The following SORBS2 variants were observed in gnomAD, a reference collection of about 807,000 sequenced individuals.
SORBS2 encodes the protein sorbin and SH3 domain containing 2.
SORBS2 carries 46 observed loss-of-function variants against 97.7 expected under a neutral mutation model. The ratio of observed to expected loss-of-function variants is 0.47; its 90% confidence interval spans 0.37 to 0.60. The LOEUF is 0.60. Ranked by LOEUF, SORBS2 falls within the 20% of genes least tolerant of loss-of-function variation. The pLI is 0.00. For missense variants in SORBS2, 1,316 were observed against 1,282.3 expected, an observed-to-expected ratio of 1.03 and a Z score of -0.40; for synonymous variants, 476 against 473.4, an observed-to-expected ratio of 1.01 and a Z score of -0.07.
intron 2 of SORBS2, among the ~76,000 whole-genome samples, chr4:185,768,110 G>C (rs946306880): frequency 1.3e-5 from 2 of 152,092 alleles, no homozygotes; most frequent in Non-Finnish European, 1.5e-5. Flanking sequence ...AGAGTTCTGG[G>C]GGACTTCACA....
chr4:185,783,920 T>C (rs1472299425), intron 1 of SORBS2, among the ~76,000 whole-genome samples: 3 of 152,204 alleles, frequency 2.0e-5, no homozygotes, highest in Non-Finnish European at 4.4e-5. Flanking sequence ...ATAAGTCAAG[T>C]AGGTAAGAGG....
At chr4:185,652,294 G>A (rs1050761506) in intron 2 of SORBS2, among the ~76,000 whole-genome samples, 1 of 152,178 alleles carries the variant, frequency 6.6e-6, no homozygotes, top group Non-Finnish European at 1.5e-5. Context: ...CTACAGAGCA[G>A]GCTCAGGCAG....
At chr4:185,587,494 G>T in exon 15 of SORBS2, 1 of 716,182 alleles carries the variant, frequency 1.4e-6, no homozygotes, top group Non-Finnish European at 2.5e-6. Context: ...CTGGTGGTTT[G>T]GTGGCAGGTG....
intron 4 of SORBS2, among the ~76,000 whole-genome samples, chr4:185,641,289 GA>G (rs1026480234): frequency 1.1e-4 from 17 of 151,968 alleles, no homozygotes; most frequent in African/African-American, 3.9e-4. Flanking sequence ...AATTAGCAGA[GA>G]AAACACCCAA....
At position 185,673,015 on chromosome 4, in the gene SORBS2, A is replaced by G. The variant is rs189150930; in HGVS notation, c.-46+5408T>C. Among the ~76,000 whole-genome samples, 111 of 152,340 alleles carry G rather than the reference A, an allele frequency of 7.3e-4. No homozygotes were observed. In the East Asian group the frequency reaches 0.013, roughly 19 times the overall value. On this transcript the variant is annotated intron_variant, in intron 4 of 20. Coordinates refer to the SORBS2 transcript ENST00000284776. Reference sequence around the variant, plus strand: ...GATAAAGACAACGTGGTGTATACGCATACTAGGATACTATTCAGCCTTAAA... The same window carrying G: ...GATAAAGACAACGTGGTGTATACGCGTACTAGGATACTATTCAGCCTTAAA...
Position 185,925,329 on chromosome 4 carries a change from C to G in SORBS2, c.-338+30867G>C, listed in dbSNP as rs544721688. Among the ~76,000 whole-genome samples the G allele has an allele frequency of 2.0e-3, 304 of 152,184 alleles. 4 individuals are homozygous for G. The highest frequency in any genetic ancestry group is 9.7e-4 in the Non-Finnish European group (66 of 68,020). On this transcript the variant is annotated intron_variant, in intron 1 of 20. Coordinates refer to the SORBS2 transcript ENST00000284776. ...TAAACGCATTGTCTTAGAGTCCTAG[C>G]CCTAGAGGCAGAATAGGATGTGGTG...
intron 2 of SORBS2, among the ~76,000 whole-genome samples, chr4:185,710,446 G>C (rs2098408616): frequency 6.6e-6 from 1 of 152,226 alleles, no homozygotes; most frequent in East Asian, 1.9e-4. Context: ...CGAGGGAAAA[G>C]GGAATTGCTC....
At chr4:185,942,639 G>A (rs960182087) in intron 1 of SORBS2, among the ~76,000 whole-genome samples, 8 of 152,218 alleles carry the variant, frequency 5.3e-5, no homozygotes, top group Middle Eastern at 3.4e-3. Flanking sequence ...ATGAGCCACC[G>A]CGCATGGCCC....
intron 1 of SORBS2, chr4:185,956,178 A>G (rs887892797): frequency 2.6e-5 from 4 of 152,224 alleles, no homozygotes; most frequent in Admixed American, 6.5e-5. Context: ...TAGAAACTCA[A>G]TGAAAAGGAA....
chr4:185,819,001 A>G (rs918546564), intron 1 of SORBS2, among the ~76,000 whole-genome samples: 8 of 152,144 alleles, frequency 5.3e-5, no homozygotes, highest in East Asian at 1.9e-4. Flanking sequence ...ACTCTTTCCT[A>G]TATCTTTCCT....
intron 1 of SORBS2, among the ~76,000 whole-genome samples, chr4:185,923,472 A>ATTTTTTTTTTTTTTTTTTTTTTTTT (rs535695706): frequency 4.1e-4 from 45 of 110,470 alleles, no homozygotes; most frequent in African/African-American, 1.3e-3. Flanking sequence ...CTTTTTTTTA[A>ATTTTTTTTTTTTTTTTTTTTTTTTT]TTTTTTTTTT....
At chr4:185,757,861 A>C (rs1051512542) in intron 2 of SORBS2, among the ~76,000 whole-genome samples, 3 of 152,260 alleles carry the variant, frequency 2.0e-5, no homozygotes, top group Admixed American at 1.3e-4. Flanking sequence ...AAATTTAAAA[A>C]TGAGACCCCT....
intron 2 of SORBS2, among the ~76,000 whole-genome samples, chr4:185,701,039 C>T (rs575514109): frequency 1.5e-4 from 23 of 152,294 alleles, no homozygotes; most frequent in Admixed American, 1.1e-3. Context: ...ACTTATTTGA[C>T]GTACTGGCTA....
In SORBS2 at chr4:185,623,630, G is replaced by A. The variant is rs762248193; in HGVS notation, c.1499C>T (p.Ser500Phe). The A allele has an allele frequency of 1.2e-5, 20 of 1,614,120 alleles. No individual in the cohort carries two copies. In the Admixed American group the frequency reaches 3.3e-4, roughly 27 times the overall value. Residue 500 changes from serine (S) to phenylalanine (F), a missense_variant, in exon 7 of 15, where the codon TCC becomes TTC. By Grantham distance (155) the Ser-to-Phe change is radical (BLOSUM62 -2). Coordinates refer to ENST00000418609, the Ensembl canonical transcript of SORBS2. The surrounding 1 kb of genome is among the most constrained non-coding windows in gnomAD (Gnocchi z 6.4). ...CACAACCCCGTCCTGGTCGCTGTCGGAAAACTCCACGTGTGCTCGGGGCTG... is the reference window on the plus strand; with the variant it reads ...CACAACCCCGTCCTGGTCGCTGTCGAAAAACTCCACGTGTGCTCGGGGCTG...
chr4:185,621,448 C>A (rs2153420659), intron 7 of SORBS2, among the ~76,000 whole-genome samples: 1 of 152,244 alleles, frequency 6.6e-6, no homozygotes, highest in East Asian at 1.9e-4. Context: ...CCTATCTGCA[C>A]ATAAAATTGA....
intron 1 of SORBS2, among the ~76,000 whole-genome samples, chr4:185,919,925 C>A (rs2099260184): frequency 6.6e-6 from 1 of 152,216 alleles, no homozygotes; most frequent in South Asian, 2.1e-4. Flanking sequence ...GCAAAATCTA[C>A]CGCTGTTCTG....
At position 185,587,630 on chromosome 4, in the gene SORBS2, C is replaced by T. The variant is rs768058639; in HGVS notation, c.3012G>A (p.Leu1004=). The change falls in exon 15 of 15, where the codon CTG becomes CTA. Residue 1004 remains leucine, a synonymous_variant. Coordinates refer to ENST00000418609, the Ensembl canonical transcript of SORBS2. ...CTACAGAAGGAGGGAGCGCAATTCA[C>T]AGCCTCTTGACGTAGTTTCCGGGGA... is the stretch of plus-strand genomic sequence containing the variant. 4.3e-6 allele frequency: 7 copies of T among 1,613,264 alleles called. No individual in the cohort carries two copies. The East Asian group carries it at 8.9e-5, about 21-fold the overall frequency.
chr4:185,849,099 A>T (rs563133994), intron 1 of SORBS2, among the ~76,000 whole-genome samples: 1 of 152,306 alleles, frequency 6.6e-6, no homozygotes, highest in South Asian at 2.1e-4. Flanking sequence ...ACCACCTCTT[A>T]TATAGCTGGC....
intron 2 of SORBS2, 138 bp downstream of exon 4, chr4:185,690,424 T>C: frequency 2.1e-6 from 1 of 469,408 alleles, no homozygotes; most frequent in East Asian, 3.2e-5. Context: ...AGAAAGAAAG[T>C]AATGAATCTA....
Sources: gnomAD v4.1 joint callset for allele counts (sites outside exome capture counted in the v4.1 genomes callset) on GRCh38, gnomAD v4.1.1 for gene constraint, Gnocchi (gnomAD v3.1) non-coding constraint, MANE v1.5 for transcripts, NCBI Gene and HGNC (gene_info 2026-07-23, HGNC 2026-07-21) for gene names.